Variants in SETBP1 observed in about 807,000 individuals in gnomAD.
SETBP1 encodes SET binding protein 1.
SETBP1 carries 9 observed loss-of-function variants against 101.0 expected under a neutral mutation model. The ratio of observed to expected loss-of-function variants is 0.09; its 90% confidence interval spans 0.05 to 0.16. The LOEUF is 0.16. Among genes scored for constraint, SETBP1 ranks in the 10% least tolerant of loss-of-function variants. The pLI is 1.00. For synonymous variants in SETBP1, 818 were observed against 788.5 expected (o/e 1.04, Z -0.63); for missense variants, 1,858 against 2,033.8 (o/e 0.91, Z 1.66).
chr18:44,831,911 G>A (rs566752040), intron 2 of SETBP1, among the ~76,000 whole-genome samples: 15 of 152,254 alleles, frequency 9.9e-5, no homozygotes, highest in African/African-American at 3.4e-4. Context: ...GTGGGACTGA[G>A]TTGTGTTTAT....
intron 3 of SETBP1, among the ~76,000 whole-genome samples, chr18:44,903,469 G>A (rs1233927719): frequency 3.9e-5 from 6 of 152,150 alleles, no homozygotes; most frequent in Admixed American, 6.5e-5. Context: ...GCCCAGCCAC[G>A]CTGTGAGACA....
intron 3 of SETBP1, among the ~76,000 whole-genome samples, chr18:44,895,460 A>G (rs1429828097): frequency 6.6e-6 from 1 of 152,122 alleles, no homozygotes; most frequent in Admixed American, 6.5e-5. Flanking sequence ...GTGTCCTCAA[A>G]TATAATTGTG....
rs181674169 is a variant in SETBP1 at position 44,815,640 on chromosome 18, C to T, written c.487-53590C>T. ...TTTCTGTCCCTTGGAGGATGCAGGG[C>T]AAGTGATAGGACTCATGTATTAACA... On this transcript the variant is annotated intron_variant, in intron 2 of 5. Transcript: ENST00000649279. Among the ~76,000 whole-genome samples, 18 of 152,254 alleles carry T rather than the reference C, an allele frequency of 1.2e-4. No homozygotes were observed. In the East Asian group the frequency reaches 3.5e-3, roughly 29 times the overall value.
At chr18:44,698,626 G>A (rs1264936528) in intron 1 of SETBP1, among the ~76,000 whole-genome samples, 2 of 152,138 alleles carry the variant, frequency 1.3e-5, no homozygotes, top group African/African-American at 2.4e-5. Context: ...TCTGTCTTCT[G>A]CTCTCCTCAA....
intron 2 of SETBP1, among the ~76,000 whole-genome samples, chr18:44,766,641 G>A (rs1027317954): frequency 6.6e-6 from 1 of 152,154 alleles, no homozygotes; most frequent in Admixed American, 6.5e-5. Context: ...GCGTAACAAT[G>A]TGAATGTACT....
intron 2 of SETBP1, among the ~76,000 whole-genome samples, chr18:44,840,881 G>A (rs1348610763): frequency 6.6e-6 from 1 of 152,208 alleles, no homozygotes; most frequent in Non-Finnish European, 1.5e-5. Context: ...AATAGGTCCT[G>A]AGTATTAAAT....
intron 4 of SETBP1, among the ~76,000 whole-genome samples, chr18:44,985,120 G>A (rs534771575): frequency 1.1e-4 from 16 of 152,284 alleles, no homozygotes; most frequent in Admixed American, 5.2e-4. Flanking sequence ...CAGACTGGGC[G>A]ACAGAGACTG....
intron 2 of SETBP1, among the ~76,000 whole-genome samples, chr18:44,751,391 G>T (rs1381412186): frequency 6.6e-6 from 1 of 152,196 alleles, no homozygotes; most frequent in African/African-American, 2.4e-5. Context: ...AAGTAGATGA[G>T]AGAGGTTATC....
intron 4 of SETBP1, among the ~76,000 whole-genome samples, chr18:44,955,338 C>T (rs1161031298): frequency 6.6e-6 from 1 of 152,190 alleles, no homozygotes; most frequent in Non-Finnish European, 1.5e-5. Context: ...AAATAGGTGT[C>T]ATGACAATGT....
At chr18:44,771,016 A>G (rs1284687967) in intron 2 of SETBP1, among the ~76,000 whole-genome samples, 2 of 151,968 alleles carry the variant, frequency 1.3e-5, no homozygotes, top group Non-Finnish European at 1.5e-5. Flanking sequence ...ACTCTAGACT[A>G]TTGATTTCAC....
At chr18:44,970,223 AAAAG>A (rs2071812549) in intron 4 of SETBP1, 1 of 154,790 alleles carries the variant, frequency 6.5e-6, no homozygotes, top group Non-Finnish European at 1.5e-5. Context: ...AGGAAATGGG[AAAAG>A]AAAGAGACTG....
At chr18:44,734,018 G>A (rs1681163639) in intron 2 of SETBP1, among the ~76,000 whole-genome samples, 1 of 152,168 alleles carries the variant, frequency 6.6e-6, no homozygotes, top group African/African-American at 2.4e-5. Context: ...AGCTGGGGGA[G>A]TGAGTAATGA....
At chr18:44,995,751 A>G (rs2072485288) in intron 4 of SETBP1, among the ~76,000 whole-genome samples, 1 of 152,162 alleles carries the variant, frequency 6.6e-6, no homozygotes. Context: ...GGTGGAAGGT[A>G]AAAAACAAAG....
intron 4 of SETBP1, among the ~76,000 whole-genome samples, chr18:44,984,728 G>A (rs1310855819): frequency 2.0e-5 from 3 of 152,246 alleles, no homozygotes; most frequent in Non-Finnish European, 2.9e-5. Flanking sequence ...GAGGCACTAT[G>A]AGTTGGTTGG....
chr18:44,998,738 A>T (rs55982157), intron 4 of SETBP1, among the ~76,000 whole-genome samples: 7,354 of 152,262 alleles, frequency 0.048, 205 homozygotes, highest in South Asian at 0.11. Flanking sequence ...CGGGGAAGTA[A>T]ATCCACAGGG....
intron 2 of SETBP1, among the ~76,000 whole-genome samples, chr18:44,780,001 A>C (rs543129568): frequency 1.3e-5 from 2 of 152,116 alleles, no homozygotes; most frequent in African/African-American, 4.8e-5. Flanking sequence ...CACACTCTGC[A>C]CTTTCCCGCC....
intron 2 of SETBP1, among the ~76,000 whole-genome samples, chr18:44,790,514 C>T (rs972017089): frequency 1.3e-5 from 2 of 152,216 alleles, no homozygotes; most frequent in African/African-American, 4.8e-5. Context: ...CCCTCACAAA[C>T]TGAGAACCTT....
intron 4 of SETBP1, among the ~76,000 whole-genome samples, chr18:44,958,332 C>A (rs1188588561): frequency 6.6e-6 from 1 of 152,178 alleles, no homozygotes; most frequent in Non-Finnish European, 1.5e-5. Flanking sequence ...TAGCTCCAGC[C>A]ATTTCACTTA....
rs531868574 is a variant in SETBP1, at chr18:44,800,646, A to G, written c.487-68584A>G. Among the ~76,000 whole-genome samples, 20 of 152,274 alleles carry G rather than the reference A, an allele frequency of 1.3e-4. No homozygotes were observed. In the South Asian group the frequency reaches 3.7e-3, roughly 28 times the overall value. ...GAGGACGTTTTTCCAAAAGACCCCA[A>G]GAGGGAGTAGTTATGGCTGAGGAAA... On this transcript the variant is annotated intron_variant, in intron 2 of 5. Coordinates refer to ENST00000649279, the MANE Select transcript of SETBP1 (RefSeq NM_015559.3).
Sources: allele counts gnomAD v4.1 joint callset (sites outside exome capture counted in the v4.1 genomes callset), GRCh38; gene constraint gnomAD v4.1.1; transcripts MANE v1.5; gene names NCBI Gene and HGNC (gene_info 2026-07-23, HGNC 2026-07-21).